TNFRSF21: variants seen among roughly 807,000 people sequenced by gnomAD.
The protein encoded by TNFRSF21 is TNF receptor superfamily member 21, also known as tumor necrosis factor receptor superfamily member 21.
In TNFRSF21, 19 loss-of-function variants were observed where a neutral mutation model predicts 45.6. The observed-to-expected ratio is 0.42, with a 90% CI of 0.29 to 0.61. The LOEUF (loss-of-function observed/expected upper bound fraction) is 0.61. TNFRSF21 is among the 20% of genes least tolerant of loss of function. TNFRSF21 has a pLI of 0.23. For missense variants in TNFRSF21, 737 were observed against 851.5 expected (o/e 0.87, Z 1.67); for synonymous variants, 314 against 335.5 (o/e 0.94, Z 0.70).
At chr6:47,292,782 T>A (rs1762744682) in intron 1 of TNFRSF21, among the ~76,000 whole-genome samples, 1 of 152,232 alleles carries the variant, frequency 6.6e-6, no homozygotes. Flanking sequence ...TGAATTTTGG[T>A]GCACATCTTT....
At chr6:47,257,250 T>G (rs1244698357) in intron 3 of TNFRSF21, among the ~76,000 whole-genome samples, 1 of 152,036 alleles carries the variant, frequency 6.6e-6, no homozygotes, top group East Asian at 1.9e-4. Flanking sequence ...CCACAAAGAA[T>G]AGATACAATG....
chr6:47,285,887 G>T, intron 2 of TNFRSF21, 57 bp downstream of exon 2: 1 of 1,565,570 alleles, frequency 6.4e-7, no homozygotes, highest in African/African-American at 1.4e-5. Flanking sequence ...CCCACTCTTG[G>T]TACCTCCACT....
At chr6:47,253,891 T>TG (rs1764941227) in intron 3 of TNFRSF21, among the ~76,000 whole-genome samples, 1 of 152,350 alleles carries the variant, frequency 6.6e-6, no homozygotes, top group Non-Finnish European at 1.5e-5. Flanking sequence ...AGATCCCCAG[T>TG]GGATGCCTTG....
intron 5 of TNFRSF21, among the ~76,000 whole-genome samples, chr6:47,233,530 A>G (rs1169751640): frequency 6.6e-6 from 1 of 152,132 alleles, no homozygotes; most frequent in Non-Finnish European, 1.5e-5. Flanking sequence ...AACTGCTGAG[A>G]GAGTAAAAGC....
At chr6:47,258,980 G>A (rs918564763) in intron 3 of TNFRSF21, among the ~76,000 whole-genome samples, 5 of 152,154 alleles carry the variant, frequency 3.3e-5, no homozygotes, top group Middle Eastern at 3.2e-3. Context: ...TATGGCCCAC[G>A]GGCTGTAGTT....
At chr6:47,243,321 A>AC (rs902504434) in intron 4 of TNFRSF21, among the ~76,000 whole-genome samples, 22 of 151,854 alleles carry the variant, frequency 1.4e-4, no homozygotes, top group African/African-American at 4.6e-4. Flanking sequence ...TATGTTCTCC[A>AC]CCCCCCTTAT....
In TNFRSF21 at chr6:47,290,206, AAGAAG is replaced by A. The variant is rs199680418; in HGVS notation, c.97-3616_97-3612del. ...GCAGGTTGTTACACTTCAATTAAGA[AAGAAG>A]AGAACTGAACCCAAGATCTGGGCAG... On this transcript the variant is annotated intron_variant, in intron 1 of 5. Transcript: ENST00000296861. Among the ~76,000 whole-genome samples, 1,058 of 152,270 alleles carry A rather than the reference AAGAAG, an allele frequency of 6.9e-3. 8 individuals carry two copies. Among genetic ancestry groups the A allele is most frequent in the Middle Eastern group, 0.031 (9 of 294 alleles).
chr6:47,306,155 C>T (rs1762937064), intron 1 of TNFRSF21, among the ~76,000 whole-genome samples: 1 of 152,198 alleles, frequency 6.6e-6, no homozygotes, highest in African/African-American at 2.4e-5. Context: ...GACTTTTGAA[C>T]CCAGCTCTTG....
chr6:47,238,318 A>G (rs1390759011), intron 4 of TNFRSF21, among the ~76,000 whole-genome samples: 1 of 152,250 alleles, frequency 6.6e-6, no homozygotes, highest in Non-Finnish European at 1.5e-5. Flanking sequence ...TAAGGCAGAT[A>G]TTAAGAAAAC....
intron 5 of TNFRSF21, 148 bp from the exon 6 acceptor site, chr6:47,233,142 T>C: frequency 1.5e-6 from 1 of 689,526 alleles, no homozygotes; most frequent in Middle Eastern, 4.1e-4. Flanking sequence ...AGAGAGTGAG[T>C]GATCCTCTGG....
chr6:47,283,978 G>A lies in TNFRSF21; in HGVS notation c.1203C>T (p.Thr401=). 1 of 1,614,152 alleles carries A rather than the reference G, an allele frequency of 6.2e-7. No individual in the cohort carries two copies. Among genetic ancestry groups the A allele is most frequent in the African/African-American group, 1.3e-5 (1 of 75,066 alleles). Residue 401 remains threonine (T), a synonymous_variant, in exon 3 of 6, where the codon ACC becomes ACT. Transcript: ENST00000296861. The part of the protein sequence containing the change: ...KAGLKKSMTP[T]QNREKWIYYC... ...AGTAGATCCATTTCTCCCGGTTCTGGGTTGGAGTCATGGATTTCTTCAGCC... is the reference window on the plus strand; with the variant it reads ...AGTAGATCCATTTCTCCCGGTTCTGAGTTGGAGTCATGGATTTCTTCAGCC...
At chr6:47,272,712 T>C (rs1762440793) in intron 3 of TNFRSF21, among the ~76,000 whole-genome samples, 1 of 152,060 alleles carries the variant, frequency 6.6e-6, no homozygotes, top group African/African-American at 2.4e-5. Context: ...CTTCAAAAAA[T>C]CAATGAATCC....
chr6:47,261,704 T>C (rs1765076058), intron 3 of TNFRSF21, among the ~76,000 whole-genome samples: 1 of 152,224 alleles, frequency 6.6e-6, no homozygotes, highest in Non-Finnish European at 1.5e-5. Flanking sequence ...TCCACTTTAG[T>C]GGCCAGAGCT....
intron 2 of TNFRSF21, 117 bp from the exon 3 acceptor site, chr6:47,284,549 T>A: frequency 8.3e-7 from 1 of 1,200,914 alleles, no homozygotes; most frequent in African/African-American, 1.5e-5. Flanking sequence ...AGATGACCCT[T>A]GGGGCTTAAG....
chr6:47,253,300 C>T lies in TNFRSF21; in HGVS notation c.1465G>A (p.Asp489Asn). The change falls in exon 4 of 6, where the codon GAT (aspartate) becomes AAT (asparagine). Residue 489 changes from aspartate to asparagine, a missense_variant. By Grantham distance (23) the Asp-to-Asn change is conservative. Transcript: ENST00000296861. ...AGCCCACGAATCTTCTCCACAACATCGTTTCTCCGGTGCTGGCGCAGGGCG... is the reference window on the plus strand; with the variant it reads ...AGCCCACGAATCTTCTCCACAACATTGTTTCTCCGGTGCTGGCGCAGGGCG... ...ISALRQHRRN[D>N]VVEKIRGLME... The T allele has an allele frequency of 1.2e-6, 2 of 1,613,744 alleles. No homozygotes were observed. The highest frequency in any genetic ancestry group is 8.5e-7 in the Non-Finnish European group (1 of 1,179,840).
intron 3 of TNFRSF21, among the ~76,000 whole-genome samples, chr6:47,272,877 T>C (rs531224228): frequency 9.2e-5 from 14 of 152,316 alleles, no homozygotes; most frequent in Non-Finnish European, 1.5e-4. Flanking sequence ...CAGAGAATAC[T>C]ATAAACACCT....
chr6:47,234,739 G>A lies in TNFRSF21; in HGVS notation c.1669C>T (p.Leu557Phe). 1 of 1,612,066 alleles carries A rather than the reference G, an allele frequency of 6.2e-7. No individual in the cohort carries two copies. Among genetic ancestry groups the A allele is most frequent in the Non-Finnish European group, 8.5e-7 (1 of 1,179,216 alleles). The change falls in exon 5 of 6, where the codon CTT becomes TTT. Residue 557 changes from leucine to phenylalanine, a missense_variant. By Grantham distance (22) the Leu-to-Phe change is conservative. Coordinates refer to ENST00000296861, the MANE Select transcript of TNFRSF21 (RefSeq NM_014452.5). ...CTGGATGTAGAGTCACAGCGGAGAA[G>A]GGGCTCCGACTCATCCACGAAGAAG... ...KGFFVDESEP[L>F]LRCDSTSSGS...
At chr6:47,275,097 C>T (rs533133544) in intron 3 of TNFRSF21, among the ~76,000 whole-genome samples, 2 of 152,208 alleles carry the variant, frequency 1.3e-5, no homozygotes, top group South Asian at 4.2e-4. Context: ...GACAGTGTGG[C>T]GATTCCTCAA....
Position 47,286,570 on chromosome 6 carries a change from G to A in TNFRSF21, c.122C>T (p.Ala41Val). ...ATTCGAGGCCTTCTGTTCTGGCTGA[G>A]CTGTGGTGGTGCTAAGGAATCCAAG... ...LLLGFLSTTT[A>V]QPEQKASNLI... Residue 41 changes from alanine to valine, a missense_variant, in exon 2 of 6, where the codon GCT (alanine) becomes GTT (valine). Physicochemically the swap from Ala to Val is moderately conservative, Grantham distance 64. Coordinates refer to ENST00000296861, the MANE Select transcript of TNFRSF21 (RefSeq NM_014452.5). 6.2e-7 allele frequency: 1 copy of A among 1,608,686 alleles called. No individual in the cohort carries two copies. The highest frequency in any genetic ancestry group is 8.5e-7 in the Non-Finnish European group (1 of 1,175,582).
Sources: gnomAD v4.1 joint callset for allele counts (sites outside exome capture counted in the v4.1 genomes callset) on GRCh38, gnomAD v4.1.1 for gene constraint, MANE v1.5 for transcripts, NCBI Gene and HGNC (gene_info 2026-07-23, HGNC 2026-07-21) for gene names.